The following MGA variants were observed in gnomAD, a reference collection of about 807,000 sequenced individuals.
The protein encoded by MGA is MAX dimerization protein MGA, also known as MAX gene-associated protein.
Under a neutral mutation model 261.1 loss-of-function variants are expected in MGA, and 40 were observed. The ratio of observed to expected loss-of-function variants is 0.15; its 90% CI spans 0.12 to 0.20. The LOEUF is 0.20. Among genes scored for constraint, MGA ranks in the 10% least tolerant of loss-of-function variants. The probability of loss-of-function intolerance (pLI) is 1.00; values close to 1 mark genes in which losing one functional copy is unlikely to be tolerated. For synonymous variants in MGA, 1,302 were observed against 1,290.6 expected, an observed-to-expected ratio of 1.01 and a Z score of -0.19; for missense variants, 3,397 against 3,630.5, an observed-to-expected ratio of 0.94 and a Z score of 1.65.
intron 6 of MGA, 25 bp downstream of exon 6, chr15:41,707,884 C>G: frequency 1.3e-6 from 2 of 1,591,364 alleles, no homozygotes; most frequent in Non-Finnish European, 1.7e-6. Context: ...TTTGTAAAGT[C>G]AAACACTATT....
chr15:41,653,237 T>C (rs1486155189), intron 1 of MGA, among the ~76,000 whole-genome samples: 2 of 151,494 alleles, frequency 1.3e-5, no homozygotes, highest in Non-Finnish European at 2.9e-5. Context: ...GGTGTGGTGG[T>C]GGGCGCCTGT....
At chr15:41,684,893 A>G (rs538653834) in intron 2 of MGA, among the ~76,000 whole-genome samples, 5 of 152,176 alleles carry the variant, frequency 3.3e-5, no homozygotes, top group Non-Finnish European at 7.4e-5. Flanking sequence ...TGCTTGCTTA[A>G]TCTTTAAAAA....
At chr15:41,632,878 A>G (rs1184089576) in intron 1 of MGA, among the ~76,000 whole-genome samples, 3 of 152,174 alleles carry the variant, frequency 2.0e-5, no homozygotes, top group Non-Finnish European at 4.4e-5. Context: ...GCCACAGACA[A>G]TAATACACAA....
chr15:41,736,796 T>A, intron 13 of MGA, 98 bp downstream of exon 13: 1 of 1,307,986 alleles, frequency 7.6e-7, no homozygotes, highest in Non-Finnish European at 1.0e-6. Flanking sequence ...TCCTTTATCT[T>A]GACATTTCCT....
In MGA at chr15:41,749,236, G is replaced by A. The variant is rs2062693928; in HGVS notation, c.5629G>A (p.Val1877Met). The stretch of plus-strand genomic sequence containing the variant: ...TCAAGCTGTTGGGTCTTCTTCAGCA[G>A]TGAATGTTATCACTCAGGCACCATC... The change falls in exon 17 of 24, where the codon GTG (valine) becomes ATG (methionine). Residue 1877 changes from valine to methionine, a missense_variant. By Grantham distance (21) the Val-to-Met change is conservative (BLOSUM62 1). Around this residue, in one of 9 missense-constraint regions of MGA, gnomAD observed 1,410 missense variants for 1,386.4 expected, o/e 1.02. Coordinates refer to ENST00000219905, the MANE Select transcript of MGA (RefSeq NM_001164273.2). 1.1e-5 allele frequency: 17 copies of A among 1,614,058 alleles called. No homozygotes were observed. The highest frequency in any genetic ancestry group is 1.4e-5 in the Non-Finnish European group (17 of 1,179,908).
chr15:41,714,905 G>A (rs1251067503), intron 9 of MGA, among the ~76,000 whole-genome samples: 2 of 152,100 alleles, frequency 1.3e-5, no homozygotes, highest in African/African-American at 4.8e-5. Flanking sequence ...TAGATTTATT[G>A]ACCATTTATC....
At chr15:41,671,868 G>C (rs1250674891) in intron 2 of MGA, among the ~76,000 whole-genome samples, 1 of 152,126 alleles carries the variant, frequency 6.6e-6, no homozygotes, top group African/African-American at 2.4e-5. Context: ...GCAATGCATA[G>C]TTTTTTTGTC....
intron 1 of MGA, among the ~76,000 whole-genome samples, chr15:41,662,530 G>A (rs11856550): frequency 0.03 from 4,539 of 152,270 alleles, 117 homozygotes; most frequent in Non-Finnish European, 0.046. Flanking sequence ...CTGTTCCGAA[G>A]TGAGTAGTTC....
At chr15:41,754,071 A>G (rs566581504) in intron 17 of MGA, among the ~76,000 whole-genome samples, 1 of 152,124 alleles carries the variant, frequency 6.6e-6, no homozygotes, top group Admixed American at 6.5e-5. Context: ...GGCGAGCACC[A>G]CCATGTCTGG....
intron 2 of MGA, among the ~76,000 whole-genome samples, chr15:41,689,178 C>T (rs1045239568): frequency 1.3e-4 from 20 of 151,862 alleles, no homozygotes; most frequent in African/African-American, 4.8e-4. Flanking sequence ...ATTTGATGTC[C>T]TTCTATGTGA....
rs762946397 is a variant in MGA at position 41,713,200 on chromosome 15, C to G, written c.3134C>G (p.Pro1045Arg). Reference sequence around the variant, plus strand: ...CACACAATCATAAGGAAACGAGCCCCTCCCTGCAACAATGACTTCTGTCGA... The same window carrying G: ...CACACAATCATAAGGAAACGAGCCCGTCCCTGCAACAATGACTTCTGTCGA... Residue 1045 changes from proline to arginine, a missense_variant, in exon 9 of 24, where the codon CCT (proline) becomes CGT (arginine). Pro to Arg is a moderately radical substitution (Grantham distance 103). Transcript: ENST00000219905. The G allele has an allele frequency of 1.2e-6, 2 of 1,613,854 alleles. No homozygotes were observed. Among genetic ancestry groups the G allele is most frequent in the East Asian group, 2.2e-5 (1 of 44,896 alleles).
chr15:41,680,030 A>G (rs1308699925), intron 2 of MGA, among the ~76,000 whole-genome samples: 2 of 152,136 alleles, frequency 1.3e-5, no homozygotes, highest in Admixed American at 6.5e-5. Flanking sequence ...ACGTGTGTGT[A>G]TATTCTTGGA....
chr15:41,738,705 A>T (rs1332376535), intron 13 of MGA, among the ~76,000 whole-genome samples: 1 of 152,190 alleles, frequency 6.6e-6, no homozygotes, highest in East Asian at 1.9e-4. Flanking sequence ...AACTTTGTAA[A>T]CTTTGGGGAA....
chr15:41,691,534 G>A (rs1228006967), intron 2 of MGA: 1 of 333,262 alleles, frequency 3.0e-6, no homozygotes, highest in African/African-American at 2.2e-5. Flanking sequence ...TCTTTTTCTT[G>A]CCTAATCATC....
At chr15:41,632,975 G>A (rs1334732752) in intron 1 of MGA, among the ~76,000 whole-genome samples, 17 of 149,416 alleles carry the variant, frequency 1.1e-4, no homozygotes, top group South Asian at 4.2e-4. Context: ...TTTTTGAGAC[G>A]GAGTCTCGCT....
chr15:41,764,863 C>T, intron 22 of MGA, 23 bp from the exon 23 acceptor site: 1 of 1,612,434 alleles, frequency 6.2e-7, no homozygotes, highest in South Asian at 1.1e-5. Context: ...TTATCTATAA[C>T]TAATTTCTGA....
chr15:41,636,943 G>A (rs917921527), intron 1 of MGA, among the ~76,000 whole-genome samples: 1 of 152,000 alleles, frequency 6.6e-6, no homozygotes, highest in African/African-American at 2.4e-5. Flanking sequence ...TGAGACAACT[G>A]TGTATCTCAA....
Position 41,711,292 on chromosome 15 carries a change from G to T in MGA, c.3027G>T (p.Arg1009Ser). The change falls in exon 8 of 24, where the codon AGG becomes AGT. Residue 1009 changes from arginine (R) to serine (S), a missense_variant. By Grantham distance (110) the Arg-to-Ser change is moderately radical. Coordinates refer to ENST00000219905, the MANE Select transcript of MGA (RefSeq NM_001164273.2). ...GTGCACTTTGGGAAGGAAAACCAAG[G>T]ACATACATCACAGAAGAGCGAGCAG... 1 of 1,613,840 alleles carries T rather than the reference G, an allele frequency of 6.2e-7. No homozygotes were observed. Among genetic ancestry groups the T allele is most frequent in the Non-Finnish European group, 8.5e-7 (1 of 1,179,836 alleles).
intron 1 of MGA, among the ~76,000 whole-genome samples, chr15:41,639,662 A>G (rs751584084): frequency 5.9e-4 from 90 of 152,104 alleles, no homozygotes; most frequent in Admixed American, 3.3e-3. Context: ...CCCCTGCCTC[A>G]GCCACTAGAG....
Sources: allele counts gnomAD v4.1 joint callset (sites outside exome capture counted in the v4.1 genomes callset), GRCh38; gene constraint gnomAD v4.1.1; regional missense constraint gnomAD v4.1.1; transcripts MANE v1.5; gene names NCBI Gene and HGNC (gene_info 2026-07-23, HGNC 2026-07-21).